Variants in MMP26 observed in about 807,000 individuals in gnomAD.
MMP26 encodes the protein matrix metalloproteinase-26.
Under a neutral mutation model 31.0 loss-of-function variants are expected in MMP26, and 33 were observed. That is an observed-to-expected ratio of 1.06 (90% CI 0.81 to 1.42). MMP26 has a LOEUF of 1.42. MMP26 is among the 40% of genes most tolerant of loss of function. MMP26 has a pLI of 0.00. For missense variants in MMP26, 347 were observed against 316.1 expected, an observed-to-expected ratio of 1.10 and a Z score of -0.74; for synonymous variants, 122 against 114.9, an observed-to-expected ratio of 1.06 and a Z score of -0.40.
At chr11:4,763,499 A>G (rs188219606) in intron 1 of MMP26, among the ~76,000 whole-genome samples, 10 of 152,382 alleles carry the variant, frequency 6.6e-5, no homozygotes, top group Middle Eastern at 6.8e-3. Context: ...TACTAATAAA[A>G]GAAACTAATT....
chr11:4,863,435 C>T (rs369337641), intron 2 of MMP26, among the ~76,000 whole-genome samples: 1 of 152,158 alleles, frequency 6.6e-6, no homozygotes, highest in South Asian at 2.1e-4. Context: ...CTGCATTTTA[C>T]TTTCTCTTTC....
Position 4,858,016 on chromosome 11 carries a change from A to T in MMP26, c.-145+90675A>T, listed in dbSNP as rs193163939. ...TAGATGCAGAAAAGGCTTTCGACAA[A>T]ATTCAACAGCCCTTCATGCTCAAAA... On this transcript the variant is annotated intron_variant, in intron 2 of 7. Transcript: ENST00000380390. Among the ~76,000 whole-genome samples the T allele has an allele frequency of 2.7e-4, 41 of 152,286 alleles. 1 individual carries two copies. Among genetic ancestry groups the T allele is most frequent in the African/African-American group, 9.1e-4 (38 of 41,546 alleles).
chr11:4,764,477 C>T (rs1297743954), intron 1 of MMP26, among the ~76,000 whole-genome samples: 1 of 152,140 alleles, frequency 6.6e-6, no homozygotes, highest in Non-Finnish European at 1.5e-5. Context: ...TAATACTAGA[C>T]AGTTAGGTAT....
At chr11:4,796,530 A>G (rs2133447973) in intron 2 of MMP26, among the ~76,000 whole-genome samples, 1 of 152,328 alleles carries the variant, frequency 6.6e-6, no homozygotes, top group South Asian at 2.1e-4. Context: ...CAGGACATTG[A>G]TCAATAAATC....
rs12575124 is a variant in MMP26 at position 4,949,700 on chromosome 11, G to T, written c.-144-38368G>T. ...CCAAAAAAATGAAGAAAATAAACTGGTAAAATCAGAAATGAATAAAATAGA... is the reference window on the plus strand; with the variant it reads ...CCAAAAAAATGAAGAAAATAAACTGTTAAAATCAGAAATGAATAAAATAGA... On this transcript the variant is annotated intron_variant, in intron 2 of 7. Transcript: ENST00000380390. 1.5e-3 allele frequency among the ~76,000 whole-genome samples: 181 copies of T among 120,776 alleles called. 56 individuals are homozygous for T. The highest frequency in any genetic ancestry group is 2.8e-3 in the Non-Finnish European group (151 of 53,488). 79.2% of individuals were successfully genotyped at this position (120,776 alleles called of 152,430 possible).
intron 2 of MMP26, chr11:4,908,329 T>C (rs775187908): frequency 6.3e-7 from 1 of 1,596,530 alleles, no homozygotes; most frequent in South Asian, 1.1e-5. Context: ...AATTAGGTAA[T>C]AAATTATCAA....
intron 2 of MMP26, among the ~76,000 whole-genome samples, chr11:4,801,618 C>T (rs534235790): frequency 3.8e-4 from 58 of 152,036 alleles, no homozygotes; most frequent in African/African-American, 1.2e-3. Flanking sequence ...TCTCTGCTCA[C>T]CGCAACCTCC....
At chr11:4,860,071 A>G (rs1850126053) in intron 2 of MMP26, 1 of 471,002 alleles carries the variant, frequency 2.1e-6, no homozygotes, top group East Asian at 6.9e-5. Context: ...TAGGCACTTT[A>G]TAAGGAAGGG....
intron 2 of MMP26, among the ~76,000 whole-genome samples, chr11:4,771,874 CATG>C (rs141138255): frequency 0.013 from 2,049 of 152,298 alleles, 48 homozygotes; most frequent in African/African-American, 0.046. Context: ...GGCAAACCCT[CATG>C]ATATCTGACT....
rs146159632 is a variant in MMP26, at chr11:4,828,790, A to AC, written c.-145+61450dup. On this transcript the variant is annotated intron_variant, in intron 2 of 7. Transcript: ENST00000380390. ...ATTTGCCAGAGCAATAAGTTGAGAA[A>AC]CTAGGCTGGATATTTTGGGCTAGAA... Among the ~76,000 whole-genome samples the AC allele has an allele frequency of 3.7e-3, 559 of 152,326 alleles. 4 individuals are homozygous for AC. Among genetic ancestry groups the AC allele is most frequent in the African/African-American group, 0.011 (446 of 41,576 alleles).
intron 2 of MMP26, among the ~76,000 whole-genome samples, chr11:4,879,515 A>G (rs1183570631): frequency 3.3e-5 from 5 of 152,126 alleles, no homozygotes; most frequent in African/African-American, 1.2e-4. Flanking sequence ...TTTGAGTACC[A>G]TTTCTGAAAT....
chr11:4,793,236 A>T (rs753773648), intron 2 of MMP26, among the ~76,000 whole-genome samples: 6 of 152,180 alleles, frequency 3.9e-5, no homozygotes, highest in Non-Finnish European at 5.9e-5. Context: ...CTGTAATTTC[A>T]TCGGATATTA....
intron 2 of MMP26, chr11:4,877,872 TA>T (rs1260898828): frequency 2.6e-5 from 4 of 152,220 alleles, no homozygotes; most frequent in Non-Finnish European, 5.9e-5. Context: ...AAATTGTATA[TA>T]AATTTTCAAA....
rs191248248 is a variant in MMP26 at position 4,952,488 on chromosome 11, A to G, written c.-144-35580A>G. On this transcript the variant is annotated intron_variant, in intron 2 of 7. Coordinates refer to ENST00000380390, the MANE Select transcript of MMP26 (RefSeq NM_021801.5). ...AAGACTTTGGAAAAGGCAGATGGAT[A>G]TAGTTACGCACCTTGAACACAGAAG... Among the ~76,000 whole-genome samples the G allele has an allele frequency of 7.9e-5, 10 of 126,160 alleles. 1 individual carries two copies. The highest frequency in any genetic ancestry group is 2.7e-4 in the African/African-American group (10 of 37,220). The allele number at this position is 126,160 out of a possible 152,430, so 82.8% of individuals were successfully genotyped here.
At chr11:4,727,367 A>G (rs996520972) in intron 1 of MMP26, among the ~76,000 whole-genome samples, 1 of 152,206 alleles carries the variant, frequency 6.6e-6, no homozygotes, top group Admixed American at 6.5e-5. Context: ...AGCATTTGCT[A>G]AAATGTTTGC....
intron 2 of MMP26, chr11:4,943,567 G>C: frequency 2.3e-6 from 1 of 436,424 alleles, no homozygotes; most frequent in Non-Finnish European, 4.6e-6. Context: ...TTAAAGAATG[G>C]TTAGTAGCGT....
At chr11:4,856,117 A>T (rs1564794711) in intron 2 of MMP26, among the ~76,000 whole-genome samples, 1 of 152,250 alleles carries the variant, frequency 6.6e-6, no homozygotes, top group Non-Finnish European at 1.5e-5. Flanking sequence ...CTGAAAAAAC[A>T]TGCCAAATTG....
chr11:4,943,108 A>C, intron 2 of MMP26: 1 of 165,126 alleles, frequency 6.1e-6, no homozygotes, highest in Non-Finnish European at 1.3e-5. Context: ...GTCCCTTATA[A>C]TTTTGTAGTG....
chr11:4,754,096 AT>A (rs371054284), intron 1 of MMP26, among the ~76,000 whole-genome samples: 4,768 of 141,636 alleles, frequency 0.034, 107 homozygotes, highest in African/African-American at 0.069. Context: ...TAAAAGAGAG[AT>A]TTTTTTTTTT....
Sources: gnomAD v4.1 joint callset for allele counts (sites outside exome capture counted in the v4.1 genomes callset) on GRCh38, gnomAD v4.1.1 for gene constraint, MANE v1.5 for transcripts, NCBI Gene and HGNC (gene_info 2026-07-23, HGNC 2026-07-21) for gene names.